Variants in INPP4B observed in about 807,000 individuals in gnomAD.
INPP4B encodes inositol polyphosphate-4-phosphatase type II B, also known as inositol polyphosphate 4-phosphatase type II.
Under a neutral mutation model 122.5 loss-of-function variants are expected in INPP4B, and 55 were observed. The observed-to-expected ratio is 0.45, with a 90% CI of 0.36 to 0.56. The LOEUF is 0.56. Ranked by LOEUF, INPP4B falls within the 20% of genes least tolerant of loss-of-function variation. The pLI, the probability that INPP4B is intolerant of heterozygous loss-of-function variation, is 0.00. For synonymous variants in INPP4B, 403 were observed against 388.7 expected (o/e 1.04, Z -0.43); for missense variants, 1,000 against 1,097.7 (o/e 0.91, Z 1.26).
At chr4:142,348,313 T>C (rs1042395514) in intron 7 of INPP4B, among the ~76,000 whole-genome samples, 27 of 152,042 alleles carry the variant, frequency 1.8e-4, no homozygotes, top group African/African-American at 6.5e-4. Flanking sequence ...TGCAGTGACC[T>C]TTGCCATTTT....
Position 142,108,200 on chromosome 4 carries a change from G to GA in INPP4B, c.2277-11dup. ...AGAGACATCTCCAAACCTACAAACA[G>GA]AAAAAAGAAAACAGCTGTGGGTTAT... On this transcript the variant is annotated splice_polypyrimidine_tract_variant and intron_variant, in intron 22 of 25. Transcript: ENST00000262992. 3 of 1,487,934 alleles carry GA rather than the reference G, an allele frequency of 2.0e-6. No homozygotes were observed. Among genetic ancestry groups the GA allele is most frequent in the Non-Finnish European group, 2.8e-6 (3 of 1,071,284 alleles). The allele number at this position is 1,487,934 out of a possible 1,614,324, so 92.2% of individuals were successfully genotyped here.
intron 2 of INPP4B, among the ~76,000 whole-genome samples, chr4:142,471,998 T>C (rs1818928731): frequency 6.6e-6 from 1 of 152,170 alleles, no homozygotes; most frequent in Non-Finnish European, 1.5e-5. Flanking sequence ...TTGAAAGCAC[T>C]GTGGGCCTTA....
At position 142,644,281 on chromosome 4, in the gene INPP4B, GGAGGAGGAGAAGGAA is replaced by G. The variant is rs1243091566; in HGVS notation, c.-191+81543_-191+81557del. On this transcript the variant is annotated intron_variant, in intron 2 of 25. Coordinates refer to ENST00000262992, the MANE Select transcript of INPP4B (RefSeq NM_001101669.3). ...GGGGGTCAGGAGGAGGAGGAGTGGG[GGAGGAGGAGAAGGAA>G]GAGGAGGAGAAGGAGGAGGAGGAGG... Among the ~76,000 whole-genome samples, 239 of 148,138 alleles carry G rather than the reference GGAGGAGGAGAAGGAA, an allele frequency of 1.6e-3. 1 individual carries two copies. Among genetic ancestry groups the G allele is most frequent in the African/African-American group, 5.1e-3 (205 of 40,372 alleles).
intron 11 of INPP4B, among the ~76,000 whole-genome samples, chr4:142,238,226 T>C (rs1055398492): frequency 6.6e-6 from 1 of 152,002 alleles, no homozygotes; most frequent in Non-Finnish European, 1.5e-5. Context: ...TTTGACATCT[T>C]ATTTTTTTCA....
At chr4:142,304,869 T>G (rs1447449935) in intron 9 of INPP4B, among the ~76,000 whole-genome samples, 1 of 152,194 alleles carries the variant, frequency 6.6e-6, no homozygotes, top group Non-Finnish European at 1.5e-5. Flanking sequence ...TATTTAACGC[T>G]CTTAGTAATT....
intron 25 of INPP4B, among the ~76,000 whole-genome samples, chr4:142,041,144 A>C (rs1422741095): frequency 6.6e-6 from 1 of 152,134 alleles, no homozygotes; most frequent in Admixed American, 6.6e-5. Flanking sequence ...ATAATAAAAA[A>C]ATTAGGATAT....
intron 2 of INPP4B, among the ~76,000 whole-genome samples, chr4:142,721,285 A>G (rs146140372): frequency 9.2e-5 from 14 of 152,230 alleles, no homozygotes; most frequent in African/African-American, 2.9e-4. Flanking sequence ...CCATTTCCAT[A>G]CCTGGCATTT....
intron 1 of INPP4B, among the ~76,000 whole-genome samples, chr4:142,757,337 A>T (rs137903689): frequency 6.6e-6 from 1 of 152,132 alleles, no homozygotes; most frequent in Non-Finnish European, 1.5e-5. Context: ...CTTGATGTAC[A>T]TTCTATGGGT....
chr4:142,179,186 T>C (rs1829645678), intron 15 of INPP4B, among the ~76,000 whole-genome samples: 1 of 152,016 alleles, frequency 6.6e-6, no homozygotes, highest in Non-Finnish European at 1.5e-5. Flanking sequence ...CAAATCACAG[T>C]TTTGGGCTGG....
intron 16 of INPP4B, among the ~76,000 whole-genome samples, chr4:142,169,373 C>T (rs1430849832): frequency 2.0e-5 from 3 of 151,566 alleles, no homozygotes; most frequent in Non-Finnish European, 4.4e-5. Flanking sequence ...AGTTCTTTCC[C>T]ACAGTTTGGG....
intron 1 of INPP4B, among the ~76,000 whole-genome samples, chr4:142,822,491 T>C (rs538339776): frequency 2.0e-5 from 3 of 152,248 alleles, no homozygotes; most frequent in South Asian, 2.1e-4. Context: ...AGTGGCAGCA[T>C]TGGATTCTCA....
chr4:142,412,045 T>G (rs981234670), intron 5 of INPP4B, among the ~76,000 whole-genome samples: 2 of 152,174 alleles, frequency 1.3e-5, no homozygotes, highest in African/African-American at 4.8e-5. Context: ...AAATTCTTAA[T>G]GTTTGTTCAG....
At chr4:142,344,784 G>A (rs1168943360) in intron 7 of INPP4B, among the ~76,000 whole-genome samples, 1 of 151,906 alleles carries the variant, frequency 6.6e-6, no homozygotes, top group African/African-American at 2.4e-5. Context: ...GTACCTGGGG[G>A]ATGAAATAAT....
chr4:142,584,934 C>T (rs926158268), intron 2 of INPP4B, among the ~76,000 whole-genome samples: 1 of 152,128 alleles, frequency 6.6e-6, no homozygotes, highest in Non-Finnish European at 1.5e-5. Context: ...ATCATGGGTA[C>T]TTATTTTAAA....
chr4:142,395,993 T>C (rs977174795), intron 7 of INPP4B, among the ~76,000 whole-genome samples: 1 of 152,120 alleles, frequency 6.6e-6, no homozygotes, highest in African/African-American at 2.4e-5. Context: ...ATTATCCCTA[T>C]AGTTAAAAAT....
At chr4:142,464,629 T>C (rs1817411037) in intron 2 of INPP4B, among the ~76,000 whole-genome samples, 1 of 151,898 alleles carries the variant, frequency 6.6e-6, no homozygotes, top group Non-Finnish European at 1.5e-5. Flanking sequence ...AAAAAAATGT[T>C]TCATAGTAAG....
intron 10 of INPP4B, among the ~76,000 whole-genome samples, chr4:142,268,464 A>C (rs1370306034): frequency 1.3e-5 from 2 of 151,792 alleles, no homozygotes; most frequent in Non-Finnish European, 2.9e-5. Flanking sequence ...CTCCTCAGAA[A>C]ACTAAAAATA....
At chr4:142,119,826 TACAC>T (rs35148813) in intron 21 of INPP4B, among the ~76,000 whole-genome samples, 1 of 149,996 alleles carries the variant, frequency 6.7e-6, no homozygotes, top group East Asian at 2.0e-4. Context: ...CACACACACA[TACAC>T]ATATATATAC....
intron 8 of INPP4B, among the ~76,000 whole-genome samples, chr4:142,308,102 C>G (rs1764127823): frequency 6.6e-6 from 1 of 152,168 alleles, no homozygotes; most frequent in Non-Finnish European, 1.5e-5. Flanking sequence ...GTTGGCTTGT[C>G]CATCTCCTAG....
Sources: allele counts gnomAD v4.1 joint callset (sites outside exome capture counted in the v4.1 genomes callset), GRCh38; gene constraint gnomAD v4.1.1; transcripts MANE v1.5; gene names NCBI Gene and HGNC (gene_info 2026-07-23, HGNC 2026-07-21).